SUPT6H: variants seen among roughly 807,000 people sequenced by gnomAD.
The protein encoded by SUPT6H is transcription elongation factor SPT6.
Under a neutral mutation model 222.3 loss-of-function variants are expected in SUPT6H, and 11 were observed. The ratio of observed to expected loss-of-function variants is 0.05; its 90% CI spans 0.03 to 0.08. The LOEUF (loss-of-function observed/expected upper bound fraction) is 0.08. Among genes scored for constraint, SUPT6H ranks in the 10% least tolerant of loss-of-function variants. The probability of loss-of-function intolerance (pLI) is 1.00; values close to 1 mark genes in which losing one functional copy is unlikely to be tolerated. For missense variants in SUPT6H, 1,422 were observed against 2,216.0 expected (o/e 0.64, Z 7.19); for synonymous variants, 762 against 801.2 (o/e 0.95, Z 0.83).
In SUPT6H at chr17:28,687,295, T is replaced by C. The variant is rs1236352074; in HGVS notation, c.2839-9T>C. The C allele has an allele frequency of 1.9e-6, 3 of 1,614,026 alleles. No individual in the cohort carries two copies. The African/African-American group carries it at 4.0e-5, about 22-fold the overall frequency. ...AGTAACCTTACTCCTGCCTGCTGAA[T>C]GTCCACAGGAGCATGTGGTGAAAGA... On this transcript the variant is annotated splice_polypyrimidine_tract_variant and intron_variant, in intron 22 of 36. Coordinates refer to ENST00000314616, the MANE Select transcript of SUPT6H (RefSeq NM_003170.5).
intron 1 of SUPT6H, among the ~76,000 whole-genome samples, chr17:28,663,743 A>C (rs1448468382): frequency 6.6e-6 from 1 of 150,732 alleles, no homozygotes; most frequent in African/African-American, 2.4e-5. Context: ...TTCCATTCAT[A>C]GATTTCTACC....
chr17:28,675,366 G>C (rs1307933882), intron 5 of SUPT6H, 35 bp from the exon 6 acceptor site: 1 of 1,611,204 alleles, frequency 6.2e-7, no homozygotes, highest in African/African-American at 1.3e-5. Flanking sequence ...CTCAGCCCCT[G>C]ACTCTGAGCC....
intron 5 of SUPT6H, 81 bp from the exon 6 acceptor site, chr17:28,675,320 A>G (rs1347226493): frequency 3.3e-6 from 5 of 1,531,352 alleles, no homozygotes; most frequent in Admixed American, 1.7e-5. Flanking sequence ...CTCACTGGCC[A>G]CTCACATAGT....
rs1180716712 is a variant in SUPT6H at position 28,662,220 on chromosome 17, G to C, written c.-154G>C. 2 of 220,548 alleles carry C rather than the reference G, an allele frequency of 9.1e-6. No individual in the cohort carries two copies. The highest frequency in any genetic ancestry group is 2.1e-4 in the East Asian group (2 of 9,738). 13.7% of individuals were successfully genotyped at this position (220,548 alleles called of 1,614,324 possible). On this transcript the variant is annotated 5_prime_UTR_variant, in exon 1 of 37. Coordinates refer to ENST00000314616, the MANE Select transcript of SUPT6H (RefSeq NM_003170.5). The stretch of plus-strand genomic sequence containing the variant: ...GACGTAGCACGTTGACGCAGCAGCG[G>C]CGGCGGTGGCGGCGGAGGGGCCGTG...
In SUPT6H at chr17:28,695,334, A is replaced by G. The variant is rs2031853274; in HGVS notation, c.3775-18A>G. 6.2e-7 allele frequency: 1 copy of G among 1,609,110 alleles called. No individual in the cohort carries two copies. Among genetic ancestry groups the G allele is most frequent in the Non-Finnish European group, 8.5e-7 (1 of 1,176,642 alleles). ...GATCATCTTTGTCCCTTCCAGCTCA[A>G]ATGTTCTGTGGATCTAGGTGGGAAT... On this transcript the variant is annotated intron_variant, in intron 28 of 36. Transcript: ENST00000314616.
intron 1 of SUPT6H, among the ~76,000 whole-genome samples, chr17:28,667,165 A>G (rs2030075829): frequency 6.7e-6 from 1 of 149,820 alleles, no homozygotes; most frequent in African/African-American, 2.4e-5. Flanking sequence ...GGAGATTGAG[A>G]CTATCCTGGC....
In SUPT6H at chr17:28,700,434, C is replaced by T; in HGVS notation, c.4728C>T (p.Asn1576=). ...AIAAVTGQGQ[N]PNATPAQWAS... ...CTGCGGTGACAGGCCAAGGACAGAACCCTAATGCCACCCCAGCCCAGTGGG... is the reference window on the plus strand; with the variant it reads ...CTGCGGTGACAGGCCAAGGACAGAATCCTAATGCCACCCCAGCCCAGTGGG... The change falls in exon 35 of 37, where the codon AAC becomes AAT. Residue 1576 remains asparagine (N), a synonymous_variant. Coordinates refer to ENST00000314616, the MANE Select transcript of SUPT6H (RefSeq NM_003170.5). The T allele has an allele frequency of 1.9e-6, 3 of 1,614,242 alleles. No individual in the cohort carries two copies. Among genetic ancestry groups the T allele is most frequent in the Non-Finnish European group, 2.5e-6 (3 of 1,180,048 alleles).
At chr17:28,680,651 T>C (rs2031051727) in intron 11 of SUPT6H, among the ~76,000 whole-genome samples, 1 of 152,104 alleles carries the variant, frequency 6.6e-6, no homozygotes, top group Non-Finnish European at 1.5e-5. Flanking sequence ...TGGTTTTGTT[T>C]TTGTTTTTGT....
At chr17:28,669,310 G>A (rs2030272908) in intron 1 of SUPT6H, among the ~76,000 whole-genome samples, 1 of 152,048 alleles carries the variant, frequency 6.6e-6, no homozygotes, top group Non-Finnish European at 1.5e-5. Flanking sequence ...TCCTGCTTCA[G>A]CCTCCTGAAT....
At chr17:28,689,840 C>G (rs1377044854) in intron 25 of SUPT6H, among the ~76,000 whole-genome samples, 3 of 152,152 alleles carry the variant, frequency 2.0e-5, no homozygotes, top group Non-Finnish European at 4.4e-5. Flanking sequence ...CCCCTTTCCT[C>G]CTTTCTAACA....
At chr17:28,670,990 A>G (rs532944448) in intron 1 of SUPT6H, 3 of 152,336 alleles carry the variant, frequency 2.0e-5, no homozygotes, top group African/African-American at 7.2e-5. Flanking sequence ...AAAGAATGGC[A>G]TCTGAAACCT....
chr17:28,689,283 T>C (rs2031537172), intron 24 of SUPT6H, 71 bp from the exon 25 acceptor site: 4 of 1,439,328 alleles, frequency 2.8e-6, no homozygotes, highest in Admixed American at 1.7e-5. Context: ...CAGTTCCCCA[T>C]TGGTGGACAT....
chr17:28,663,828 A>ATTCTTTTTTTTTTTTTTTTTTTT (rs2072113524), intron 1 of SUPT6H, among the ~76,000 whole-genome samples: 3 of 38,374 alleles, frequency 7.8e-5, no homozygotes, highest in African/African-American at 9.6e-5. Flanking sequence ...TGCCCACTCC[A>ATTCTTTTTTTTTTTTTTTTTTTT]TTTTTTTTTT....
rs773368067 is a variant in SUPT6H at position 28,701,107 on chromosome 17, G to A, written c.4973G>A (p.Arg1658Gln). ...CAGCCCCAGCCCTCTTCCAGCTCCC[G>A]GCAACGGCAGCAGCAGCCAAAGTAA... ...QAQPQPSSSSRQRQQQPKSNS... is the reference protein window; with the variant it reads ...QAQPQPSSSSQQRQQQPKSNS... Residue 1658 changes from arginine (R) to glutamine (Q), a missense_variant, in exon 36 of 37, where the codon CGG becomes CAG. Physicochemically the swap from Arg to Gln is conservative, Grantham distance 43. Around this residue, in one of 13 missense-constraint regions of SUPT6H, gnomAD observed 395 missense variants for 580.6 expected, o/e 0.68. Transcript: ENST00000314616. 1.1e-5 allele frequency: 17 copies of A among 1,610,954 alleles called. No individual in the cohort carries two copies. Among genetic ancestry groups the A allele is most frequent in the East Asian group, 6.7e-5 (3 of 44,850 alleles).
chr17:28,693,928 G>A, intron 28 of SUPT6H, 92 bp downstream of exon 28: 2 of 1,541,290 alleles, frequency 1.3e-6, no homozygotes, highest in Non-Finnish European at 1.8e-6. Flanking sequence ...CAGAAGTTAG[G>A]CTCTGTTCCC....
chr17:28,701,324 C>G (rs964829535), intron 36 of SUPT6H, 115 bp from the exon 37 acceptor site: 1 of 1,438,154 alleles, frequency 7.0e-7, no homozygotes, highest in Non-Finnish European at 9.4e-7. Flanking sequence ...CTGCCTTATC[C>G]CAGTAGAGGG....
chr17:28,686,218 C>T (rs1421803167), intron 19 of SUPT6H, 121 bp from the exon 20 acceptor site: 2 of 888,532 alleles, frequency 2.3e-6, no homozygotes, highest in African/African-American at 1.7e-5. Context: ...TTGGTAGCAC[C>T]TTGGACCAGA....
chr17:28,683,212 C>G, intron 15 of SUPT6H, 56 bp from the exon 16 acceptor site: 1 of 1,591,804 alleles, frequency 6.3e-7, no homozygotes, highest in Middle Eastern at 1.7e-4. Flanking sequence ...TGTCTTTTCT[C>G]CTGGGGCCTG....
At position 28,687,342 on chromosome 17, in the gene SUPT6H, C is replaced by T. The variant is rs1179909802; in HGVS notation, c.2877C>T (p.Tyr959=). ...VVKEELLNAL[Y]CEFINRVNEV... ...AAGAGGAGCTGCTCAACGCCTTGTA[C>T]TGTGAATTTATCAACCGAGTCAATG... Residue 959 remains tyrosine, a synonymous_variant, in exon 23 of 37, where the codon TAC becomes TAT. Coordinates refer to ENST00000314616, the MANE Select transcript of SUPT6H (RefSeq NM_003170.5). 3 of 1,614,182 alleles carry T rather than the reference C, an allele frequency of 1.9e-6. No homozygotes were observed. Among genetic ancestry groups the T allele is most frequent in the Admixed American group, 3.3e-5 (2 of 60,020 alleles).
Sources: gnomAD v4.1 joint callset for allele counts (sites outside exome capture counted in the v4.1 genomes callset) on GRCh38, gnomAD v4.1.1 for gene constraint, gnomAD v4.1.1 regional missense constraint, MANE v1.5 for transcripts, NCBI Gene and HGNC (gene_info 2026-07-23, HGNC 2026-07-21) for gene names.